The following GALNT17 variants were observed in gnomAD, a reference collection of about 807,000 sequenced individuals.
The protein encoded by GALNT17 is UDP-GalNAc:polypeptide N-acetylgalactosaminyltransferase-like 3.
In GALNT17, 29 loss-of-function variants were observed where a neutral mutation model predicts 63.7. The ratio of observed to expected loss-of-function variants is 0.46; its 90% CI spans 0.34 to 0.62. The LOEUF is 0.62. GALNT17 is among the 20% of genes least tolerant of loss of function. The pLI is 0.01. For synonymous variants in GALNT17, 305 were observed against 318.3 expected (o/e 0.96, Z 0.45); for missense variants, 603 against 799.6 (o/e 0.75, Z 2.97).
At chr7:71,709,502 A>G (rs773349031) in intron 9 of GALNT17, among the ~76,000 whole-genome samples, 17 of 152,136 alleles carry the variant, frequency 1.1e-4, no homozygotes, top group East Asian at 3.9e-4. Flanking sequence ...CTCCAGCCCA[A>G]TAGTGAGAGG....
intron 1 of GALNT17, among the ~76,000 whole-genome samples, chr7:71,240,558 T>C (rs907441763): frequency 6.6e-6 from 1 of 152,220 alleles, no homozygotes; most frequent in Non-Finnish European, 1.5e-5. Context: ...TTAATTCTCT[T>C]AAGATAATGG....
At chr7:71,679,236 C>T (rs1267429946) in intron 9 of GALNT17, among the ~76,000 whole-genome samples, 2 of 151,890 alleles carry the variant, frequency 1.3e-5, no homozygotes, top group African/African-American at 4.8e-5. Context: ...CATAACAAGA[C>T]CCCCGCCTCT....
intron 2 of GALNT17, among the ~76,000 whole-genome samples, chr7:71,373,935 A>C (rs1025547272): frequency 6.6e-6 from 1 of 152,154 alleles, no homozygotes; most frequent in African/African-American, 2.4e-5. Context: ...GGGTTTCCTT[A>C]TACCCTTTCC....
chr7:71,134,856 T>G (rs1787753302), intron 1 of GALNT17, among the ~76,000 whole-genome samples: 1 of 129,788 alleles, frequency 7.7e-6, no homozygotes. Flanking sequence ...TTTTTTTTTT[T>G]TTTTTTTTTT....
In GALNT17 at chr7:71,174,314, G is replaced by T. The variant is rs1226079116; in HGVS notation, c.238+41274G>T. Among the ~76,000 whole-genome samples the T allele has an allele frequency of 4.6e-5, 7 of 152,166 alleles. No individual in the cohort carries two copies. In the East Asian group the frequency reaches 9.7e-4, roughly 21 times the overall value. On this transcript the variant is annotated intron_variant, in intron 1 of 10. Transcript: ENST00000333538. ...GCCGGGGGGAGTTCCTCTAAGCAGAGGCCATGACCGCACATTGGCACTGGG... is the reference window on the plus strand; with the variant it reads ...GCCGGGGGGAGTTCCTCTAAGCAGATGCCATGACCGCACATTGGCACTGGG...
chr7:71,682,719 T>A (rs584968), intron 9 of GALNT17, among the ~76,000 whole-genome samples: 147,741 of 151,544 alleles, frequency 0.97, 72,111 homozygotes, highest in Non-Finnish European at 1. Flanking sequence ...TAATTTTTTT[T>A]AAAAAGTTTT....
chr7:71,628,270 T>C (rs1404031607), intron 6 of GALNT17, among the ~76,000 whole-genome samples: 1 of 152,214 alleles, frequency 6.6e-6, no homozygotes, highest in Non-Finnish European at 1.5e-5. Flanking sequence ...GTTTTTATTA[T>C]TAGATTCAAC....
At chr7:71,645,854 T>A (rs937506289) in intron 6 of GALNT17, among the ~76,000 whole-genome samples, 24 of 152,286 alleles carry the variant, frequency 1.6e-4, no homozygotes, top group Non-Finnish European at 2.9e-4. Context: ...ATATCAAGCC[T>A]GCAGGCCCAA....
In GALNT17 at chr7:71,171,441, C is replaced by T. The variant is rs997681422; in HGVS notation, c.238+38401C>T. Among the ~76,000 whole-genome samples the T allele has an allele frequency of 2.5e-4, 38 of 152,128 alleles. 1 individual carries two copies. The highest frequency in any genetic ancestry group is 8.7e-4 in the African/African-American group (36 of 41,422). On this transcript the variant is annotated intron_variant, in intron 1 of 10. Transcript: ENST00000333538. ...GCTTGAGCCTGGCAGTTCAGTGTTGCAGTCAGCTATGATTGCACCACTGCA... is the reference window on the plus strand; with the variant it reads ...GCTTGAGCCTGGCAGTTCAGTGTTGTAGTCAGCTATGATTGCACCACTGCA...
At chr7:71,303,363 CA>C (rs1583844659) in intron 1 of GALNT17, among the ~76,000 whole-genome samples, 1 of 152,084 alleles carries the variant, frequency 6.6e-6, no homozygotes, top group Admixed American at 6.6e-5. Flanking sequence ...CCATGTTGTC[CA>C]GGCTGGTATT....
At chr7:71,183,689 G>C (rs1156547599) in intron 1 of GALNT17, among the ~76,000 whole-genome samples, 1 of 152,128 alleles carries the variant, frequency 6.6e-6, no homozygotes, top group Non-Finnish European at 1.5e-5. Flanking sequence ...CTGAGGTCAG[G>C]AGTTCAAGAC....
At chr7:71,243,309 C>T (rs1790033332) in intron 1 of GALNT17, among the ~76,000 whole-genome samples, 1 of 152,116 alleles carries the variant, frequency 6.6e-6, no homozygotes, top group Non-Finnish European at 1.5e-5. Context: ...TATAAATTAC[C>T]TCTTTTCTTT....
At chr7:71,508,269 T>C (rs1467726849) in intron 5 of GALNT17, among the ~76,000 whole-genome samples, 2 of 152,184 alleles carry the variant, frequency 1.3e-5, no homozygotes, top group Admixed American at 6.5e-5. Context: ...GATCAGCATA[T>C]TTTTAAAAAG....
At chr7:71,399,819 G>C (rs1385504368) in intron 3 of GALNT17, among the ~76,000 whole-genome samples, 1 of 151,688 alleles carries the variant, frequency 6.6e-6, no homozygotes, top group African/African-American at 2.4e-5. Flanking sequence ...TTGTTGTTCT[G>C]GTGCAGGGGA....
chr7:71,672,463 A>T (rs988096214), intron 8 of GALNT17, among the ~76,000 whole-genome samples: 1 of 152,362 alleles, frequency 6.6e-6, no homozygotes, highest in Middle Eastern at 3.4e-3. Context: ...CTGTACATCA[A>T]CTGAGTAGAG....
At chr7:71,418,291 G>A (rs1786584550) in intron 4 of GALNT17, among the ~76,000 whole-genome samples, 1 of 152,052 alleles carries the variant, frequency 6.6e-6, no homozygotes, top group Admixed American at 6.6e-5. Context: ...CTTCTACCCG[G>A]GTGGCATAGA....
chr7:71,430,553 G>A (rs114756632), intron 5 of GALNT17, among the ~76,000 whole-genome samples: 1 of 152,176 alleles, frequency 6.6e-6, no homozygotes, highest in Non-Finnish European at 1.5e-5. Context: ...CCTCCCTGCT[G>A]TATGTTAGGT....
At chr7:71,431,568 C>A (rs1786867525) in intron 5 of GALNT17, among the ~76,000 whole-genome samples, 1 of 152,064 alleles carries the variant, frequency 6.6e-6, no homozygotes, top group African/African-American at 2.4e-5. Flanking sequence ...GAGTTAAGCA[C>A]CTTACCCAAC....
chr7:71,204,472 G>C (rs1347811279), intron 1 of GALNT17, among the ~76,000 whole-genome samples: 1 of 152,046 alleles, frequency 6.6e-6, no homozygotes, highest in South Asian at 2.1e-4. Flanking sequence ...CATTGAATCT[G>C]TAGATTGCTT....
Sources: allele counts gnomAD v4.1 joint callset (sites outside exome capture counted in the v4.1 genomes callset), GRCh38; gene constraint gnomAD v4.1.1; transcripts MANE v1.5; gene names NCBI Gene and HGNC (gene_info 2026-07-23, HGNC 2026-07-21).